Variants in PDZD2 observed in about 807,000 individuals in gnomAD.
PDZD2 encodes the protein PDZ domain-containing protein 2.
A neutral mutation model predicts 220.7 loss-of-function variants in PDZD2; 90 were observed. The ratio of observed to expected loss-of-function variants is 0.41; its 90% confidence interval spans 0.34 to 0.49. The LOEUF (loss-of-function observed/expected upper bound fraction) is 0.49, where lower values mean the gene tolerates loss of function less well. Ranked by LOEUF, PDZD2 falls within the 20% of genes least tolerant of loss-of-function variation. The probability of loss-of-function intolerance (pLI) is 0.28; values close to 1 mark genes in which losing one functional copy is unlikely to be tolerated. For synonymous variants in PDZD2, 1,375 were observed against 1,450.5 expected (o/e 0.95, Z 1.18); for missense variants, 3,174 against 3,608.5 (o/e 0.88, Z 3.08).
intron 1 of PDZD2, among the ~76,000 whole-genome samples, chr5:31,777,188 G>A (rs1199303031): frequency 6.6e-6 from 1 of 152,184 alleles, no homozygotes; most frequent in Non-Finnish European, 1.5e-5. Flanking sequence ...CGGCAGGCCC[G>A]CACTCGGAGT....
chr5:31,739,245 A>G (rs10071368), intron 1 of PDZD2, among the ~76,000 whole-genome samples: 37,371 of 152,106 alleles, frequency 0.25, 4,761 homozygotes, highest in Non-Finnish European at 0.25. Flanking sequence ...TGTGTGCAAT[A>G]TGTGCAAAGA....
At chr5:31,688,642 C>T (rs1746968326) in intron 1 of PDZD2, among the ~76,000 whole-genome samples, 1 of 152,184 alleles carries the variant, frequency 6.6e-6, no homozygotes, top group Non-Finnish European at 1.5e-5. Context: ...TCCTGGGGTG[C>T]TGAGGGGATT....
chr5:32,042,360 G>A (rs1443287086), intron 7 of PDZD2, among the ~76,000 whole-genome samples: 17 of 148,984 alleles, frequency 1.1e-4, no homozygotes, highest in East Asian at 4.0e-4. Flanking sequence ...TCAGGAGTTC[G>A]AGACGAGCCT....
intron 1 of PDZD2, among the ~76,000 whole-genome samples, chr5:31,726,623 CAA>C (rs1749158149): frequency 6.6e-6 from 1 of 152,154 alleles, no homozygotes; most frequent in Admixed American, 6.5e-5. Flanking sequence ...GTTGCCTGGA[CAA>C]AGTTTTTGTA....
At chr5:32,037,084 G>T (rs1163028767) in intron 6 of PDZD2, 147 bp from the exon 7 acceptor site, 2 of 609,040 alleles carry the variant, frequency 3.3e-6, no homozygotes, top group Non-Finnish European at 2.9e-6. Flanking sequence ...CTTATCTGAA[G>T]GGCTGTGCTT....
At chr5:31,645,357 G>T (rs1476857726) in intron 1 of PDZD2, among the ~76,000 whole-genome samples, 1 of 134,790 alleles carries the variant, frequency 7.4e-6, no homozygotes, top group Non-Finnish European at 1.5e-5. Flanking sequence ...TTTTTTTTGA[G>T]ACGGAGTCTT....
chr5:32,006,907 C>CTTTTTT (rs1173189592), intron 5 of PDZD2, among the ~76,000 whole-genome samples: 2 of 47,844 alleles, frequency 4.2e-5, no homozygotes, highest in Non-Finnish European at 6.6e-5. Flanking sequence ...CCATGCTGGT[C>CTTTTTT]TTTTTTTTTT....
At chr5:31,693,931 C>T (rs184704534) in intron 1 of PDZD2, among the ~76,000 whole-genome samples, 2 of 152,240 alleles carry the variant, frequency 1.3e-5, no homozygotes, top group Admixed American at 1.3e-4. Flanking sequence ...GCTTCCCAGG[C>T]TGAGGAGGAG....
intron 2 of PDZD2, among the ~76,000 whole-genome samples, chr5:31,850,214 GTATATATATAAGTATA>G (rs1757954004): frequency 1.2e-5 from 1 of 84,224 alleles, no homozygotes; most frequent in Non-Finnish European, 2.3e-5. Context: ...GTATATATGT[GTATATATATAAGTATA>G]TATATATATA....
In PDZD2 at chr5:31,693,392, C is replaced by A. The variant is rs140628727; in HGVS notation, c.-361+53955C>A. 1.9e-3 allele frequency among the ~76,000 whole-genome samples: 284 copies of A among 152,028 alleles called. 1 individual carries two copies. The highest frequency in any genetic ancestry group is 5.9e-3 in the African/African-American group (246 of 41,466). ...GAGTAGCTGGGACTACAGGTGTGCA[C>A]CACCACACCAGGCTAATTTCTGTAT... On this transcript the variant is annotated intron_variant, in intron 1 of 24. Transcript: ENST00000438447.
At chr5:31,859,570 T>A (rs1368400220) in intron 2 of PDZD2, among the ~76,000 whole-genome samples, 2 of 151,882 alleles carry the variant, frequency 1.3e-5, no homozygotes, top group Admixed American at 1.3e-4. Context: ...TCTCTGTAGA[T>A]CTCAATTACA....
Position 32,090,075 on chromosome 5 carries a change from G to T in PDZD2, c.6627G>T (p.Glu2209Asp). The T allele has an allele frequency of 6.2e-7, 1 of 1,613,742 alleles. No homozygotes were observed. Among genetic ancestry groups the T allele is most frequent in the African/African-American group, 1.3e-5 (1 of 75,050 alleles). Reference sequence around the variant, plus strand: ...GCATTCCAGGGGGCCCCTCGGGGGAGGACCATCTCTACTTCACCCCAAGGC... The same window carrying T: ...GCATTCCAGGGGGCCCCTCGGGGGATGACCATCTCTACTTCACCCCAAGGC... ...RNSIPGGPSG[E>D]DHLYFTPRPA... The change falls in exon 20 of 25, where the codon GAG becomes GAT. Residue 2209 changes from glutamate to aspartate, a missense_variant. By Grantham distance (45) the Glu-to-Asp change is conservative. Around this residue, in one of 4 missense-constraint regions of PDZD2, gnomAD observed 1,861 missense variants for 2,001.0 expected, o/e 0.93. Transcript: ENST00000438447. This position sits in a 1 kb window ranked among gnomAD's most constrained non-coding sequence, Gnocchi z 4.3.
chr5:31,745,594 A>G (rs1750552096), intron 1 of PDZD2, among the ~76,000 whole-genome samples: 1 of 152,120 alleles, frequency 6.6e-6, no homozygotes, highest in Non-Finnish European at 1.5e-5. Flanking sequence ...CAATACCAAC[A>G]TGCTCATTAG....
chr5:31,861,736 G>A (rs1212762882), intron 2 of PDZD2, among the ~76,000 whole-genome samples: 1 of 152,172 alleles, frequency 6.6e-6, no homozygotes, highest in Non-Finnish European at 1.5e-5. Context: ...TCTGCCTGCA[G>A]ACTTGGTATG....
intron 2 of PDZD2, among the ~76,000 whole-genome samples, chr5:31,814,989 T>A (rs1179916280): frequency 1.3e-5 from 2 of 151,584 alleles, no homozygotes; most frequent in Non-Finnish European, 2.9e-5. Context: ...ATGCCTATAA[T>A]CCCTACACTT....
intron 22 of PDZD2, among the ~76,000 whole-genome samples, chr5:32,097,750 C>T (rs1743859614): frequency 6.6e-6 from 1 of 152,192 alleles, no homozygotes; most frequent in African/African-American, 2.4e-5. Flanking sequence ...CAAAAGCCTT[C>T]AGGACCATCC....
intron 1 of PDZD2, among the ~76,000 whole-genome samples, chr5:31,654,690 C>T (rs1745478849): frequency 6.6e-6 from 1 of 152,184 alleles, no homozygotes; most frequent in Admixed American, 6.5e-5. Context: ...CATTGCTCCT[C>T]ACTTCTCCCC....
At chr5:31,809,662 A>G (rs1347342029) in intron 2 of PDZD2, among the ~76,000 whole-genome samples, 1 of 152,218 alleles carries the variant, frequency 6.6e-6, no homozygotes, top group Non-Finnish European at 1.5e-5. Context: ...TACAATGGCC[A>G]GTGGGGTGAG....
Position 32,010,353 on chromosome 5 carries a change from C to T in PDZD2, c.1278C>T (p.Leu426=). ...ASKENSAEDL[L]RLTSKSLPDL... Reference sequence around the variant, plus strand: ...AGGAAAACTCCGCAGAGGACCTCCTCAGGTTAACATCTAAGAGCTTGCCAG... The same window carrying T: ...AGGAAAACTCCGCAGAGGACCTCCTTAGGTTAACATCTAAGAGCTTGCCAG... The change falls in exon 6 of 25, where the codon CTC becomes CTT. Residue 426 remains leucine, a synonymous_variant. Coordinates refer to ENST00000438447, the MANE Select transcript of PDZD2 (RefSeq NM_178140.4). The T allele has an allele frequency of 6.2e-7, 1 of 1,607,008 alleles. No homozygotes were observed. Among genetic ancestry groups the T allele is most frequent in the Non-Finnish European group, 8.5e-7 (1 of 1,174,372 alleles).
Sources: gnomAD v4.1 joint callset for allele counts (sites outside exome capture counted in the v4.1 genomes callset) on GRCh38, gnomAD v4.1.1 for gene constraint, gnomAD v4.1.1 regional missense constraint, Gnocchi (gnomAD v3.1) non-coding constraint, MANE v1.5 for transcripts, NCBI Gene and HGNC (gene_info 2026-07-23, HGNC 2026-07-21) for gene names.